Variants in GBF1 observed in about 807,000 individuals in gnomAD.
GBF1 encodes golgi brefeldin A resistant guanine nucleotide exchange factor 1, also known as Golgi-specific brefeldin A-resistance guanine nucleotide exchange factor 1.
In GBF1, 114 loss-of-function variants were observed where a neutral mutation model predicts 210.5. The ratio of observed to expected loss-of-function variants is 0.54; its 90% CI spans 0.47 to 0.63. The LOEUF is 0.63. Among genes scored for constraint, GBF1 ranks in the 30% least tolerant of loss-of-function variants. The pLI, the probability that GBF1 is intolerant of heterozygous loss-of-function variation, is 0.00. For synonymous variants in GBF1, 850 were observed against 889.2 expected, an observed-to-expected ratio of 0.96 and a Z score of 0.78; for missense variants, 1,851 against 2,357.7, an observed-to-expected ratio of 0.79 and a Z score of 4.45.
intron 1 of GBF1, among the ~76,000 whole-genome samples, chr10:102,251,291 T>C (rs2071497616): frequency 6.6e-6 from 1 of 152,156 alleles, no homozygotes; most frequent in Non-Finnish European, 1.5e-5. Context: ...GGTTTGCCAG[T>C]GTGGCTCAGA....
chr10:102,369,826 T>C (rs2060109399), intron 25 of GBF1, 35 bp from the exon 26 acceptor site: 3 of 1,613,974 alleles, frequency 1.9e-6, no homozygotes, highest in African/African-American at 1.3e-5. Context: ...GTCAGAACTT[T>C]GGGGCTCACC....
intron 3 of GBF1, among the ~76,000 whole-genome samples, chr10:102,296,939 G>C (rs986780322): frequency 6.6e-6 from 1 of 150,788 alleles, no homozygotes; most frequent in African/African-American, 2.4e-5. Context: ...CAGCTACTTG[G>C]GAGGCTGAGG....
the GBF1 span, among the ~76,000 whole-genome samples, chr10:102,237,797 A>G: frequency 6.6e-6 from 1 of 151,960 alleles, no homozygotes; most frequent in Admixed American, 6.6e-5. Context: ...AAACCCCCCA[A>G]TCTTCAAGTG....
chr10:102,234,118 G>A, the GBF1 span, among the ~76,000 whole-genome samples: 1 of 152,232 alleles, frequency 6.6e-6, no homozygotes, highest in African/African-American at 2.4e-5. Flanking sequence ...CATTAATGTG[G>A]TGGATTAGCC....
intron 3 of GBF1, among the ~76,000 whole-genome samples, chr10:102,328,885 T>C (rs779686621): frequency 6.6e-6 from 1 of 152,240 alleles, no homozygotes; most frequent in Non-Finnish European, 1.5e-5. Flanking sequence ...ATGAAATTTT[T>C]TACTAGACTC....
intron 4 of GBF1, 151 bp downstream of exon 4, chr10:102,344,333 A>G: frequency 2.8e-6 from 2 of 712,102 alleles, no homozygotes; most frequent in Non-Finnish European, 4.8e-6. Context: ...GTTGTTGGTT[A>G]TTCATCATGC....
intron 3 of GBF1, among the ~76,000 whole-genome samples, chr10:102,316,530 A>G (rs1032105772): frequency 2.0e-5 from 3 of 152,176 alleles, no homozygotes; most frequent in Non-Finnish European, 4.4e-5. Context: ...TGTCTTTTTA[A>G]CAAGCATTAG....
rs2059731072 is a variant in GBF1, at chr10:102,363,523, A to G, written c.2017+127A>G. The G allele has an allele frequency of 3.1e-6, 3 of 953,996 alleles. No homozygotes were observed. Among genetic ancestry groups the G allele is most frequent in the Non-Finnish European group, 4.9e-6 (3 of 618,502 alleles). 59.1% of individuals were successfully genotyped at this position (953,996 alleles called of 1,614,324 possible). ...GGTAGCCCGCCTCGCCTTCAGACTC[A>G]GAGAGAGGGAAGCAAACATATGGAC... On this transcript the variant is annotated intron_variant, in intron 16 of 39. Coordinates refer to ENST00000369983, the MANE Select transcript of GBF1 (RefSeq NM_001377137.1). This position sits in a 1 kb window ranked among gnomAD's most constrained non-coding sequence, Gnocchi z 4.2.
intron 3 of GBF1, among the ~76,000 whole-genome samples, chr10:102,300,303 G>C (rs11191252): frequency 0.14 from 20,581 of 152,176 alleles, 1,901 homozygotes; most frequent in East Asian, 0.35. Context: ...TAGCTGTTCT[G>C]TATAACAGCT....
At position 102,344,196 on chromosome 10, in the gene GBF1, C is replaced by G; in HGVS notation, c.295+14C>G. On this transcript the variant is annotated intron_variant, in intron 4 of 39. Coordinates refer to ENST00000369983, the MANE Select transcript of GBF1 (RefSeq NM_001377137.1). ...ATGCACTCATAGGTAAGAGCTCAGG[C>G]TTTGTTGCATGACCACAGCACTTCA... The G allele has an allele frequency of 6.2e-7, 1 of 1,613,440 alleles. No homozygotes were observed. Among genetic ancestry groups the G allele is most frequent in the Non-Finnish European group, 8.5e-7 (1 of 1,179,492 alleles).
In GBF1 at chr10:102,351,304, C is replaced by G; in HGVS notation, c.344C>G (p.Ala115Gly). The change falls in exon 5 of 40, where the codon GCT (alanine) becomes GGT (glycine). Residue 115 changes from alanine to glycine, a missense_variant. Coordinates refer to ENST00000369983, the MANE Select transcript of GBF1 (RefSeq NM_001377137.1). ...TAEGMENMAD[A>G]VTHARFVGTD... is the part of the protein sequence containing the mutation. ...GAGGGCATGGAGAACATGGCAGATG[C>G]TGTCACCCATGCTCGTTTTGTGGGC... 1 of 1,611,540 alleles carries G rather than the reference C, an allele frequency of 6.2e-7. No individual in the cohort carries two copies. Among genetic ancestry groups the G allele is most frequent in the Non-Finnish European group, 8.5e-7 (1 of 1,177,632 alleles).
At chr10:102,283,509 T>C (rs1244925878) in intron 3 of GBF1, among the ~76,000 whole-genome samples, 1 of 152,206 alleles carries the variant, frequency 6.6e-6, no homozygotes, top group Non-Finnish European at 1.5e-5. Flanking sequence ...CCACCAATTA[T>C]AGGAGTCTTT....
intron 3 of GBF1, among the ~76,000 whole-genome samples, chr10:102,273,371 T>C (rs1373100696): frequency 6.6e-6 from 1 of 152,134 alleles, no homozygotes; most frequent in African/African-American, 2.4e-5. Flanking sequence ...AAAAAGAAAT[T>C]ATCAGTGTAT....
chr10:102,374,452 G>A (rs748432183), intron 29 of GBF1, among the ~76,000 whole-genome samples: 2 of 152,176 alleles, frequency 1.3e-5, no homozygotes, highest in East Asian at 3.8e-4. Context: ...GGGCATGGTG[G>A]TGCATGCCTG....
At chr10:102,319,044 G>T (rs1330914813) in intron 3 of GBF1, among the ~76,000 whole-genome samples, 1 of 152,020 alleles carries the variant, frequency 6.6e-6, no homozygotes, top group African/African-American at 2.4e-5. Flanking sequence ...TAGGCTGGGC[G>T]CAGTGGCTCA....
intron 3 of GBF1, among the ~76,000 whole-genome samples, chr10:102,271,419 A>G (rs1429916256): frequency 6.6e-6 from 1 of 151,886 alleles, no homozygotes; most frequent in African/African-American, 2.4e-5. Context: ...CTTGGCCTCA[A>G]GCAATCCTCC....
At chr10:102,378,883 G>A (rs1417657927) in intron 33 of GBF1, among the ~76,000 whole-genome samples, 3 of 152,078 alleles carry the variant, frequency 2.0e-5, no homozygotes, top group Admixed American at 1.3e-4. Flanking sequence ...GCAGCGAGCC[G>A]TGATTGTGCC....
chr10:102,279,933 A>G (rs972177781), intron 3 of GBF1, among the ~76,000 whole-genome samples: 1 of 152,168 alleles, frequency 6.6e-6, no homozygotes, highest in African/African-American at 2.4e-5. Context: ...AGCCTGAGTA[A>G]CTAGTGAGAC....
chr10:102,247,668 G>A (rs1053021227), intron 1 of GBF1, among the ~76,000 whole-genome samples: 18 of 151,874 alleles, frequency 1.2e-4, no homozygotes, highest in Admixed American at 2.0e-4. Flanking sequence ...AATCCTAAAT[G>A]TCATTTCTAG....
Sources: allele counts gnomAD v4.1 joint callset (sites outside exome capture counted in the v4.1 genomes callset), GRCh38; gene constraint gnomAD v4.1.1; non-coding constraint Gnocchi (gnomAD v3.1); transcripts MANE v1.5; gene names NCBI Gene and HGNC (gene_info 2026-07-23, HGNC 2026-07-21).